CERS6: variants seen among roughly 807,000 people sequenced by gnomAD.
CERS6 encodes the protein ceramide synthase 6.
CERS6 carries 26 observed loss-of-function variants against 56.8 expected under a neutral mutation model. The observed-to-expected ratio is 0.46, with a 90% CI of 0.34 to 0.63. CERS6 has a LOEUF of 0.63. Among genes scored for constraint, CERS6 ranks in the 30% least tolerant of loss-of-function variants. CERS6 has a pLI of 0.01. For missense variants in CERS6, 415 were observed against 467.5 expected, an observed-to-expected ratio of 0.89 and a Z score of 1.04; for synonymous variants, 164 against 173.3, an observed-to-expected ratio of 0.95 and a Z score of 0.42.
At chr2:168,707,858 ATTAT>A (rs986012289) in intron 6 of CERS6, among the ~76,000 whole-genome samples, 7 of 152,248 alleles carry the variant, frequency 4.6e-5, no homozygotes, top group African/African-American at 1.4e-4. Context: ...TTTTAACCAA[ATTAT>A]TAAAGCTTTA....
intron 8 of CERS6, among the ~76,000 whole-genome samples, chr2:168,733,120 G>A (rs544653066): frequency 2.7e-4 from 41 of 152,188 alleles, no homozygotes; most frequent in African/African-American, 9.6e-4. Flanking sequence ...AACAATAAAA[G>A]GAATAAAATG....
In CERS6 at chr2:168,735,531, G is replaced by A. The variant is rs192314568; in HGVS notation, c.845+17553G>A. Among the ~76,000 whole-genome samples the A allele has an allele frequency of 1.9e-3, 287 of 152,138 alleles. 1 individual carries two copies. The highest frequency in any genetic ancestry group is 3.3e-3 in the Non-Finnish European group (225 of 67,998). On this transcript the variant is annotated intron_variant, in intron 8 of 9. Coordinates refer to ENST00000305747, the MANE Select transcript of CERS6 (RefSeq NM_203463.3). ...GATCCTTGGACATGAAACAGTTTCC[G>A]AGTACAGAGTATGAAGTGCTGGTGA... is the stretch of plus-strand genomic sequence containing the variant.
At chr2:168,740,855 G>A (rs181766301) in intron 8 of CERS6, among the ~76,000 whole-genome samples, 181 of 152,334 alleles carry the variant, frequency 1.2e-3, no homozygotes, top group African/African-American at 4.2e-3. Context: ...GCCTATGGCA[G>A]TTACTGCCTA....
At chr2:168,744,421 T>C (rs1255157024) in intron 8 of CERS6, among the ~76,000 whole-genome samples, 2 of 152,112 alleles carry the variant, frequency 1.3e-5, no homozygotes, top group African/African-American at 4.8e-5. Flanking sequence ...CCCCATTTTG[T>C]TGGGCTTTAC....
chr2:168,480,555 G>A (rs368162162), intron 1 of CERS6, among the ~76,000 whole-genome samples: 4 of 152,248 alleles, frequency 2.6e-5, no homozygotes, highest in South Asian at 2.1e-4. Context: ...CATCAGAAAC[G>A]CATATGTTAA....
At chr2:168,505,393 A>AG (rs1694658226) in intron 1 of CERS6, among the ~76,000 whole-genome samples, 1 of 150,350 alleles carries the variant, frequency 6.7e-6, no homozygotes, top group Non-Finnish European at 1.5e-5. Context: ...AAAAAAAAAA[A>AG]AAAAAAAAGA....
chr2:168,573,468 A>C (rs1238595954), intron 3 of CERS6, among the ~76,000 whole-genome samples: 1 of 152,198 alleles, frequency 6.6e-6, no homozygotes, highest in African/African-American at 2.4e-5. Flanking sequence ...TAAGTGGGTT[A>C]TATTACAATT....
In CERS6 at chr2:168,692,377, A is replaced by G. The variant is rs1686527888; in HGVS notation, c.516+1293A>G. Among the ~76,000 whole-genome samples, 7 of 152,324 alleles carry G rather than the reference A, an allele frequency of 4.6e-5. No individual in the cohort carries two copies. The South Asian group carries it at 1.4e-3, about 32-fold the overall frequency. On this transcript the variant is annotated intron_variant, in intron 5 of 9. Transcript: ENST00000305747. ...AAAGTACACACAAGTGCCAAATGAA[A>G]TGTAATACCTACTCTTCTTTTTAAC...
intron 4 of CERS6, among the ~76,000 whole-genome samples, chr2:168,684,658 C>A (rs1162148692): frequency 1.3e-5 from 2 of 152,122 alleles, no homozygotes; most frequent in Non-Finnish European, 2.9e-5. Flanking sequence ...TGTTGAGAGG[C>A]AATCACAGAT....
intron 1 of CERS6, among the ~76,000 whole-genome samples, chr2:168,540,288 A>G (rs970692546): frequency 6.6e-6 from 1 of 151,836 alleles, no homozygotes; most frequent in African/African-American, 2.4e-5. Context: ...TACCTTTTCT[A>G]TGTTTATTTA....
rs544924306 is a variant in CERS6, at chr2:168,598,665, A to G, written c.408-32320A>G. On this transcript the variant is annotated intron_variant, in intron 3 of 9. Transcript: ENST00000305747. ...AAAAGGTCCCAATTCCCCAACCAGTACAGAAAGAAAATTTAATAACGTAGC... is the reference window on the plus strand; with the variant it reads ...AAAAGGTCCCAATTCCCCAACCAGTGCAGAAAGAAAATTTAATAACGTAGC... Among the ~76,000 whole-genome samples the G allele has an allele frequency of 2.4e-4, 36 of 152,332 alleles. No homozygotes were observed. The South Asian group carries it at 5.2e-3, about 22-fold the overall frequency.
intron 4 of CERS6, among the ~76,000 whole-genome samples, chr2:168,658,475 G>C (rs1685547923): frequency 6.6e-6 from 1 of 152,152 alleles, no homozygotes; most frequent in South Asian, 2.1e-4. Flanking sequence ...TCTGTGCCAG[G>C]CTCCTGACCC....
chr2:168,484,963 C>T (rs1694249447), intron 1 of CERS6, among the ~76,000 whole-genome samples: 1 of 152,088 alleles, frequency 6.6e-6, no homozygotes, highest in Non-Finnish European at 1.5e-5. Context: ...AAATGAATAA[C>T]TAGGCATATT....
chr2:168,645,116 A>AAAAAATATAT (rs1553503146), intron 4 of CERS6, among the ~76,000 whole-genome samples: 2 of 19,018 alleles, frequency 1.1e-4, no homozygotes, highest in African/African-American at 1.6e-4. Context: ...AAAAAAAAAA[A>AAAAAATATAT]ATATATATAT....
intron 1 of CERS6, among the ~76,000 whole-genome samples, chr2:168,528,279 G>T (rs1252153189): frequency 1.3e-5 from 2 of 152,150 alleles, no homozygotes; most frequent in Admixed American, 6.5e-5. Flanking sequence ...TGTTTTCAAT[G>T]ATTGATTCTG....
intron 1 of CERS6, among the ~76,000 whole-genome samples, chr2:168,462,504 T>G (rs1693796516): frequency 6.6e-6 from 1 of 152,224 alleles, no homozygotes; most frequent in Admixed American, 6.5e-5. Flanking sequence ...TATTGACATC[T>G]ATACTGTAGC....
intron 4 of CERS6, among the ~76,000 whole-genome samples, chr2:168,637,588 T>G (rs1251490894): frequency 6.6e-6 from 1 of 152,234 alleles, no homozygotes; most frequent in Non-Finnish European, 1.5e-5. Context: ...ATTCACTAAA[T>G]GTATATGAAT....
chr2:168,638,139 C>T (rs1472902152), intron 4 of CERS6, among the ~76,000 whole-genome samples: 1 of 152,082 alleles, frequency 6.6e-6, no homozygotes, highest in African/African-American at 2.4e-5. Context: ...TTCAACTGAA[C>T]TCATACTAGC....
At position 168,717,952 on chromosome 2, in the gene CERS6, C is replaced by T. The variant is rs768614917; in HGVS notation, c.819C>T (p.Thr273=). ...TTATGTTTGCCGTGGTTTTTATCAC[C>T]ACACGACTGGGTATATTTCCTCTCT... ...LFVMFAVVFI[T]TRLGIFPLWV... Residue 273 remains threonine (T), a synonymous_variant, in exon 8 of 10, where the codon ACC becomes ACT. Transcript: ENST00000305747. 1 of 1,613,086 alleles carries T rather than the reference C, an allele frequency of 6.2e-7. No individual in the cohort carries two copies. Among genetic ancestry groups the T allele is most frequent in the Non-Finnish European group, 8.5e-7 (1 of 1,179,216 alleles).
Sources: allele counts gnomAD v4.1 joint callset (sites outside exome capture counted in the v4.1 genomes callset), GRCh38; gene constraint gnomAD v4.1.1; transcripts MANE v1.5; gene names NCBI Gene and HGNC (gene_info 2026-07-23, HGNC 2026-07-21).